The following FAM171A1 variants were observed in gnomAD, a reference collection of about 807,000 sequenced individuals.
FAM171A1 encodes the protein protein FAM171A1.
FAM171A1 carries 23 observed loss-of-function variants against 74.9 expected under a neutral mutation model. The observed-to-expected ratio is 0.31, with a 90% CI of 0.22 to 0.44. The LOEUF (loss-of-function observed/expected upper bound fraction) is 0.44. Among genes scored for constraint, FAM171A1 ranks in the 20% least tolerant of loss-of-function variants. The pLI, the probability that FAM171A1 is intolerant of heterozygous loss-of-function variation, is 1.00. For missense variants in FAM171A1, 1,162 were observed against 1,159.2 expected (o/e 1.00, Z -0.03); for synonymous variants, 527 against 505.7 (o/e 1.04, Z -0.57).
At chr10:15,364,751 C>T (rs1040503108) in intron 1 of FAM171A1, among the ~76,000 whole-genome samples, 3 of 152,182 alleles carry the variant, frequency 2.0e-5, no homozygotes, top group African/African-American at 7.2e-5. Context: ...CCTTTTCTGG[C>T]TTCTAGAAGC....
At chr10:15,369,872 G>A (rs1258594352) in intron 1 of FAM171A1, among the ~76,000 whole-genome samples, 1 of 152,208 alleles carries the variant, frequency 6.6e-6, no homozygotes, top group African/African-American at 2.4e-5. Flanking sequence ...CAGGCCTCGG[G>A]CTCGGAATCC....
chr10:15,250,292 G>A (rs1834491056), intron 4 of FAM171A1, among the ~76,000 whole-genome samples: 1 of 152,052 alleles, frequency 6.6e-6, no homozygotes, highest in South Asian at 2.1e-4. Context: ...GTCATTTTAT[G>A]GTAAAAAAAC....
intron 1 of FAM171A1, among the ~76,000 whole-genome samples, chr10:15,293,407 T>A (rs962390676): frequency 1.3e-5 from 2 of 152,154 alleles, no homozygotes; most frequent in African/African-American, 4.8e-5. Flanking sequence ...CTTAGCATGA[T>A]ACAAGGTACT....
At position 15,248,031 on chromosome 10, in the gene FAM171A1, C is replaced by T. The variant is rs185044663; in HGVS notation, c.754+608G>A. Among the ~76,000 whole-genome samples, 10 of 152,276 alleles carry T rather than the reference C, an allele frequency of 6.6e-5. No homozygotes were observed. The East Asian group carries it at 1.9e-3, about 29-fold the overall frequency. ...AGACTCTGAGCCCTACCACCCAGCT[C>T]GGCTGTACCTGGATTCCTGACCCCC... On this transcript the variant is annotated intron_variant, in intron 5 of 7. Transcript: ENST00000378116.
In FAM171A1 at chr10:15,226,661, T is replaced by G. The variant is rs534644811; in HGVS notation, c.755-5601A>C. ...TGCTCTGTGAATGTGAATACAATTT[T>G]GACTTTTCTTCATCCCTCAGGGTCA... is the stretch of plus-strand genomic sequence containing the variant. On this transcript the variant is annotated intron_variant, in intron 5 of 7. Transcript: ENST00000378116. Among the ~76,000 whole-genome samples the G allele has an allele frequency of 3.3e-5, 5 of 152,366 alleles. No individual in the cohort carries two copies. In the South Asian group the frequency reaches 1.0e-3, roughly 32 times the overall value.
intron 1 of FAM171A1, among the ~76,000 whole-genome samples, chr10:15,322,841 AAGTAC>A (rs1835502659): frequency 1.3e-5 from 2 of 152,216 alleles, no homozygotes; most frequent in Non-Finnish European, 2.9e-5. Flanking sequence ...TTGCAATAAA[AAGTAC>A]ACCTTTTTTT....
At chr10:15,298,697 A>G (rs1258986703) in intron 1 of FAM171A1, among the ~76,000 whole-genome samples, 1 of 152,230 alleles carries the variant, frequency 6.6e-6, no homozygotes, top group Non-Finnish European at 1.5e-5. Flanking sequence ...TATATCCATA[A>G]AGCTAATATC....
chr10:15,367,060 G>A (rs999673716), intron 1 of FAM171A1, among the ~76,000 whole-genome samples: 4 of 152,068 alleles, frequency 2.6e-5, no homozygotes, highest in Non-Finnish European at 4.4e-5. Context: ...ATAGCCAGGC[G>A]TGGTGGCGGG....
At position 15,310,313 on chromosome 10, in the gene FAM171A1, A is replaced by G. The variant is rs1347134240; in HGVS notation, c.98-26208T>C. On this transcript the variant is annotated intron_variant, in intron 1 of 7. Transcript: ENST00000378116. ...CACACGGTTTCTCTTATTTGATCTTAATGTTGTGACACAGGTTAGAGCAGG... is the reference window on the plus strand; with the variant it reads ...CACACGGTTTCTCTTATTTGATCTTGATGTTGTGACACAGGTTAGAGCAGG... Among the ~76,000 whole-genome samples the G allele has an allele frequency of 1.3e-5, 2 of 152,170 alleles. 1 individual carries two copies. The highest frequency in any genetic ancestry group is 3.8e-4 in the East Asian group (2 of 5,204).
intron 5 of FAM171A1, among the ~76,000 whole-genome samples, chr10:15,223,557 T>G (rs1834067180): frequency 6.6e-6 from 1 of 152,218 alleles, no homozygotes; most frequent in East Asian, 1.9e-4. Flanking sequence ...CTAAGTTGCC[T>G]TTCCCTTCTA....
In FAM171A1 at chr10:15,359,686, G is replaced by A. The variant is rs6602846; in HGVS notation, c.97+11270C>T. Among the ~76,000 whole-genome samples, 696 of 152,316 alleles carry A rather than the reference G, an allele frequency of 4.6e-3. 6 individuals carry two copies. Among genetic ancestry groups the A allele is most frequent in the African/African-American group, 0.016 (668 of 41,568 alleles). ...AGAGATTATCCTGAATGAGCCCCTA[G>A]AAGCAGGGAACTTTCTCCAGCTGTA... On this transcript the variant is annotated intron_variant, in intron 1 of 7. Coordinates refer to ENST00000378116, the MANE Select transcript of FAM171A1 (RefSeq NM_001010924.2).
intron 3 of FAM171A1, among the ~76,000 whole-genome samples, chr10:15,270,826 G>A (rs577495177): frequency 7.2e-5 from 11 of 152,298 alleles, no homozygotes; most frequent in African/African-American, 2.6e-4. Flanking sequence ...CTGACTGTTA[G>A]AAGGAAAACT....
At chr10:15,312,931 G>A (rs1050783465) in intron 1 of FAM171A1, among the ~76,000 whole-genome samples, 1 of 151,868 alleles carries the variant, frequency 6.6e-6, no homozygotes, top group African/African-American at 2.4e-5. Context: ...CTGACCTCAG[G>A]TGATCCACCC....
chr10:15,237,650 C>G (rs2131742577), intron 5 of FAM171A1: 1 of 152,334 alleles, frequency 6.6e-6, no homozygotes, highest in South Asian at 2.1e-4. Context: ...GACCGCCTGG[C>G]TGCCAAGATC....
At chr10:15,283,566 C>T (rs369425960) in intron 2 of FAM171A1, among the ~76,000 whole-genome samples, 5 of 152,090 alleles carry the variant, frequency 3.3e-5, no homozygotes, top group African/African-American at 1.2e-4. Context: ...GTTCTGGAAT[C>T]TGTATGTTTT....
At chr10:15,293,163 T>A (rs1244316657) in intron 1 of FAM171A1, among the ~76,000 whole-genome samples, 1 of 152,218 alleles carries the variant, frequency 6.6e-6, no homozygotes, top group East Asian at 1.9e-4. Flanking sequence ...GAATAATGTC[T>A]GGCACACAGT....
At chr10:15,366,492 A>C (rs948621394) in intron 1 of FAM171A1, among the ~76,000 whole-genome samples, 1 of 152,184 alleles carries the variant, frequency 6.6e-6, no homozygotes, top group Non-Finnish European at 1.5e-5. Context: ...AATTTAGCTA[A>C]AACTGCCGTC....
chr10:15,305,152 G>A (rs1835278215), intron 1 of FAM171A1, among the ~76,000 whole-genome samples: 1 of 152,174 alleles, frequency 6.6e-6, no homozygotes. Flanking sequence ...TTTTCCCGGT[G>A]AAGATACGCC....
intron 1 of FAM171A1, among the ~76,000 whole-genome samples, chr10:15,298,649 A>G (rs1031098505): frequency 2.0e-5 from 3 of 152,250 alleles, no homozygotes; most frequent in Non-Finnish European, 2.9e-5. Flanking sequence ...CAAAAGCCAT[A>G]GTTCCAACTT....
Sources: allele counts gnomAD v4.1 joint callset (sites outside exome capture counted in the v4.1 genomes callset), GRCh38; gene constraint gnomAD v4.1.1; transcripts MANE v1.5; gene names NCBI Gene and HGNC (gene_info 2026-07-23, HGNC 2026-07-21).